DNAJC16: variants seen among roughly 807,000 people sequenced by gnomAD.
DNAJC16 encodes the protein DnaJ heat shock protein family (Hsp40) member C16, also known as dnaJ homolog subfamily C member 16.
Under a neutral mutation model 92.7 loss-of-function variants are expected in DNAJC16, and 76 were observed. The observed-to-expected ratio is 0.82, with a 90% CI of 0.68 to 0.99. The LOEUF is 0.99. DNAJC16 is among the 50% of genes least tolerant of loss of function. The probability of loss-of-function intolerance (pLI) is 0.00; values close to 1 mark genes in which losing one functional copy is unlikely to be tolerated. For missense variants in DNAJC16, 869 were observed against 942.4 expected (o/e 0.92, Z 1.02); for synonymous variants, 328 against 358.7 (o/e 0.91, Z 0.97).
rs747084634 is a variant in DNAJC16, at chr1:15,565,967, C to A, written c.1647C>A (p.Ile549=). The A allele has an allele frequency of 1.5e-5, 25 of 1,613,624 alleles. No homozygotes were observed. The highest frequency in any genetic ancestry group is 2.2e-5 in the East Asian group (1 of 44,876). The change falls in exon 12 of 15, where the codon ATC becomes ATA. Residue 549 remains isoleucine (I), a synonymous_variant. Coordinates refer to ENST00000375847, the MANE Select transcript of DNAJC16 (RefSeq NM_015291.4). ...LLSLIFSALF[I]LFGTVIVQAF... is the part of the protein sequence containing the mutation. ...CCCTGATCTTCTCTGCCCTCTTCAT[C>A]CTCTTCGGCACTGTCATCGTTCAGG... is the stretch of plus-strand genomic sequence containing the variant.
intron 9 of DNAJC16, 123 bp downstream of exon 9, chr1:15,562,448 T>TTG: frequency 9.3e-7 from 1 of 1,073,938 alleles, no homozygotes; most frequent in Non-Finnish European, 1.3e-6. Flanking sequence ...TGAAGCCTAT[T>TTG]TTCAAAGTCT....
chr1:15,528,058 T>A lies in DNAJC16; in HGVS notation c.-18-1030T>A, dbSNP rs112729574. 1.3e-3 allele frequency among the ~76,000 whole-genome samples: 201 copies of A among 152,362 alleles called. 1 individual carries two copies. Among genetic ancestry groups the A allele is most frequent in the African/African-American group, 4.6e-3 (193 of 41,592 alleles). On this transcript the variant is annotated intron_variant, in intron 1 of 14. Transcript: ENST00000375847. Reference sequence around the variant, plus strand: ...AACTTTTAAAGACCACGCCTGCTATTTGGTCTTTGCCGTTAATTCTTCTTC... The same window carrying A: ...AACTTTTAAAGACCACGCCTGCTATATGGTCTTTGCCGTTAATTCTTCTTC...
intron 7 of DNAJC16, among the ~76,000 whole-genome samples, chr1:15,555,512 G>A (rs1476383952): frequency 5.3e-5 from 8 of 150,712 alleles, no homozygotes; most frequent in South Asian, 2.1e-4. Context: ...GTGAAACCCC[G>A]TCTCTACTAA....
At chr1:15,565,877 G>A (rs759358935) in intron 11 of DNAJC16, 42 bp from the exon 12 acceptor site, 5 of 1,582,210 alleles carry the variant, frequency 3.2e-6, no homozygotes, top group Non-Finnish European at 2.6e-6. Context: ...CTGGAGAGAA[G>A]AAATTTTAAC....
intron 4 of DNAJC16, among the ~76,000 whole-genome samples, chr1:15,538,893 G>A (rs1283340960): frequency 1.3e-5 from 2 of 152,202 alleles, no homozygotes; most frequent in African/African-American, 4.8e-5. Flanking sequence ...TGTGGTTAGT[G>A]TACCAGCATG....
Position 15,567,956 on chromosome 1 carries a change from C to T in DNAJC16, c.2128C>T (p.Leu710Phe). The T allele has an allele frequency of 6.2e-7, 1 of 1,614,212 alleles. No homozygotes were observed. Among genetic ancestry groups the T allele is most frequent in the African/African-American group, 1.3e-5 (1 of 75,060 alleles). The change falls in exon 15 of 15, where the codon CTC (leucine) becomes TTC (phenylalanine). Residue 710 changes from leucine to phenylalanine, a missense_variant. Coordinates refer to ENST00000375847, the MANE Select transcript of DNAJC16 (RefSeq NM_015291.4). Reference protein sequence around the residue: ...ALNGHKKYFCLFKPQKTVEEE... With the variant: ...ALNGHKKYFCFFKPQKTVEEE... The stretch of plus-strand genomic sequence containing the variant: ...GAATGGCCACAAGAAATACTTCTGC[C>T]TCTTCAAGCCCCAAAAGACAGTCGA...
rs61750327 is a variant in DNAJC16 at position 15,536,780 on chromosome 1, G to A, written c.540G>A (p.Val180=). 268 of 1,607,560 alleles carry A rather than the reference G, an allele frequency of 1.7e-4. No homozygotes were observed. Among genetic ancestry groups the A allele is most frequent in the Non-Finnish European group, 2.1e-4 (253 of 1,177,636 alleles). ...TTAGCTGCATTCATATCGAGCCTGT[G>A]TGGAAAGAAGTCATTCAAGAACTGG... ...WCFSCIHIEP[V]WKEVIQELEE... The change falls in exon 4 of 15, where the codon GTG becomes GTA. Residue 180 remains valine (V), a synonymous_variant. Transcript: ENST00000375847.
chr1:15,566,463 A>T, intron 13 of DNAJC16: 1 of 407,474 alleles, frequency 2.5e-6, no homozygotes, highest in Non-Finnish European at 4.5e-6. Context: ...GTAAATGTCA[A>T]TGAACGTAAC....
At position 15,568,114 on chromosome 1, in the gene DNAJC16, G is replaced by A; in HGVS notation, c.2286G>A (p.Met762Ile). The A allele has an allele frequency of 6.2e-7, 1 of 1,614,138 alleles. No homozygotes were observed. Among genetic ancestry groups the A allele is most frequent in the South Asian group, 1.1e-5 (1 of 91,082 alleles). The part of the protein sequence containing the change: ...KGKLSKLSLW[M>I]ERLLEGSLQR... ...AGTTGAGCAAGCTCTCTTTATGGAT[G>A]GAACGCCTGCTGGAGGGCTCCTTAC... Residue 762 changes from methionine to isoleucine, a missense_variant, in exon 15 of 15, where the codon ATG (methionine) becomes ATA (isoleucine). Physicochemically the swap from Met to Ile is conservative, Grantham distance 10. Transcript: ENST00000375847.
intron 2 of DNAJC16, among the ~76,000 whole-genome samples, chr1:15,531,915 A>G (rs1181266272): frequency 6.6e-6 from 1 of 152,226 alleles, no homozygotes; most frequent in Non-Finnish European, 1.5e-5. Context: ...AGAATGAGCT[A>G]TAGCAGGGGG....
At chr1:15,532,710 T>G (rs1710687413) in intron 2 of DNAJC16, among the ~76,000 whole-genome samples, 1 of 152,050 alleles carries the variant, frequency 6.6e-6, no homozygotes, top group Admixed American at 6.6e-5. Flanking sequence ...TTTGTGTTTT[T>G]TTTTGTCATC....
chr1:15,541,826 T>C (rs1336964794), intron 4 of DNAJC16, among the ~76,000 whole-genome samples: 1 of 152,226 alleles, frequency 6.6e-6, no homozygotes, highest in Non-Finnish European at 1.5e-5. Flanking sequence ...TTTTGGTGTT[T>C]GTTCCCAGTT....
At chr1:15,537,674 C>A in intron 4 of DNAJC16, among the ~76,000 whole-genome samples, 1 of 152,148 alleles carries the variant, frequency 6.6e-6, no homozygotes, top group East Asian at 1.9e-4. Flanking sequence ...AGTTCCCTTG[C>A]ATTGTGGTAA....
chr1:15,539,861 G>A (rs1041357272), intron 4 of DNAJC16, among the ~76,000 whole-genome samples: 3 of 151,128 alleles, frequency 2.0e-5, no homozygotes, highest in African/African-American at 7.3e-5. Flanking sequence ...AATCCCGTCT[G>A]TGCTGAAAAT....
At chr1:15,554,949 T>C (rs1638532000) in intron 7 of DNAJC16, among the ~76,000 whole-genome samples, 1 of 152,100 alleles carries the variant, frequency 6.6e-6, no homozygotes, top group Non-Finnish European at 1.5e-5. Flanking sequence ...TAATATGTCT[T>C]CATAAATTTT....
At chr1:15,527,584 C>T (rs572153376) in intron 1 of DNAJC16, among the ~76,000 whole-genome samples, 3 of 152,330 alleles carry the variant, frequency 2.0e-5, no homozygotes, top group Admixed American at 1.3e-4. Flanking sequence ...AGATCCTAGT[C>T]TTCAACCCAT....
chr1:15,530,422 C>A (rs1334312418), intron 2 of DNAJC16, among the ~76,000 whole-genome samples: 6 of 152,102 alleles, frequency 3.9e-5, no homozygotes, highest in Non-Finnish European at 7.3e-5. Flanking sequence ...AGCAATAAAT[C>A]TAAAACTTTG....
chr1:15,551,068 C>T (rs561919418), intron 7 of DNAJC16, among the ~76,000 whole-genome samples: 1 of 152,288 alleles, frequency 6.6e-6, no homozygotes, highest in Non-Finnish European at 1.5e-5. Context: ...TGGGGTTTCA[C>T]CATGTTGGCC....
At chr1:15,530,691 A>G (rs1570896200) in intron 2 of DNAJC16, among the ~76,000 whole-genome samples, 1 of 152,126 alleles carries the variant, frequency 6.6e-6, no homozygotes, top group African/African-American at 2.4e-5. Flanking sequence ...GGATATCAGT[A>G]TCTCTTTTTT....
Sources: allele counts gnomAD v4.1 joint callset (sites outside exome capture counted in the v4.1 genomes callset), GRCh38; gene constraint gnomAD v4.1.1; transcripts MANE v1.5; gene names NCBI Gene and HGNC (gene_info 2026-07-23, HGNC 2026-07-21).